The following APP variants were observed in gnomAD, a reference collection of about 807,000 sequenced individuals.
The protein encoded by APP is amyloid-beta precursor protein.
A neutral mutation model predicts 101.4 loss-of-function variants in APP; 31 were observed. The ratio of observed to expected loss-of-function variants is 0.31; its 90% CI spans 0.23 to 0.41. APP has a LOEUF of 0.41. Ranked by LOEUF, APP falls within the 10% of genes least tolerant of loss-of-function variation. The pLI, the probability that APP is intolerant of heterozygous loss-of-function variation, is 1.00. For missense variants in APP, 839 were observed against 1,003.7 expected, an observed-to-expected ratio of 0.84 and a Z score of 2.22; for synonymous variants, 366 against 364.4, an observed-to-expected ratio of 1.00 and a Z score of -0.05.
chr21:26,160,952 A>G (rs917127041), intron 1 of APP, among the ~76,000 whole-genome samples: 2 of 152,188 alleles, frequency 1.3e-5, no homozygotes, highest in Admixed American at 1.3e-4. Flanking sequence ...TGTTCCAAAA[A>G]GAGGCTGAAA....
intron 17 of APP, among the ~76,000 whole-genome samples, chr21:25,886,775 C>A (rs1281334434): frequency 1.0e-5 from 1 of 99,290 alleles, no homozygotes; most frequent in East Asian, 2.6e-4. Context: ...AGGTTCTGCA[C>A]CCCCCCTCAC....
intron 1 of APP, among the ~76,000 whole-genome samples, chr21:26,136,160 AAAAGAAAGAAAAG>A (rs1448718726): frequency 1.5e-5 from 1 of 65,184 alleles, no homozygotes; most frequent in Non-Finnish European, 2.9e-5. Flanking sequence ...AAAAGAAAAG[AAAAGAAAGAAAAG>A]AAAGAAAGAA....
At chr21:25,957,135 T>G (rs2041356303) in intron 11 of APP, among the ~76,000 whole-genome samples, 1 of 152,180 alleles carries the variant, frequency 6.6e-6, no homozygotes, top group Non-Finnish European at 1.5e-5. Context: ...CCTTCTTTTT[T>G]CCTAAAAGAA....
chr21:25,981,185 G>A (rs1210288554), intron 9 of APP, among the ~76,000 whole-genome samples: 3 of 152,144 alleles, frequency 2.0e-5, no homozygotes, highest in Non-Finnish European at 4.4e-5. Context: ...GGTCAGCAGG[G>A]ACCCAGATCA....
chr21:26,051,051 T>C lies in APP; in HGVS notation c.611A>G (p.Asp204Gly). 2 of 1,614,124 alleles carry C rather than the reference T, an allele frequency of 1.2e-6. No individual in the cohort carries two copies. The highest frequency in any genetic ancestry group is 2.2e-5 in the East Asian group (1 of 44,888). The change falls in exon 5 of 18, where the codon GAT becomes GGT. Residue 204 changes from aspartate to glycine, a missense_variant. Asp to Gly is a moderately conservative substitution (Grantham distance 94). Transcript: ENST00000346798. ...TCCGCCCCACCAGACATCCGAGTCA[T>C]CCTCCTCCGCATCAGCAGAATCCAC... Reference protein sequence around the residue: ...DNVDSADAEEDDSDVWWGGAD... With the variant: ...DNVDSADAEEGDSDVWWGGAD...
intron 1 of APP, among the ~76,000 whole-genome samples, chr21:26,143,352 T>A (rs1339345059): frequency 6.6e-6 from 1 of 152,218 alleles, no homozygotes; most frequent in Non-Finnish European, 1.5e-5. Context: ...AAAGTTATTA[T>A]CCCTTTTGGC....
chr21:26,099,924 T>C (rs2062021481), intron 2 of APP, among the ~76,000 whole-genome samples: 1 of 152,230 alleles, frequency 6.6e-6, no homozygotes, highest in Non-Finnish European at 1.5e-5. Flanking sequence ...CTGGCCAAAC[T>C]CTGCTTCTGA....
intron 13 of APP, among the ~76,000 whole-genome samples, chr21:25,914,623 G>T (rs925588079): frequency 7.7e-6 from 1 of 130,216 alleles, no homozygotes; most frequent in Non-Finnish European, 1.6e-5. Context: ...GCGCAATCTC[G>T]GCTCACTGCA....
chr21:25,972,987 ACAT>A (rs2042090515), intron 11 of APP, among the ~76,000 whole-genome samples: 1 of 152,174 alleles, frequency 6.6e-6, no homozygotes, highest in African/African-American at 2.4e-5. Flanking sequence ...AACTGACATA[ACAT>A]CATCGTGACA....
In APP at chr21:25,911,665, T is replaced by A; in HGVS notation, c.1909+76A>T. 5 of 1,317,826 alleles carry A rather than the reference T, an allele frequency of 3.8e-6. No homozygotes were observed. In the South Asian group the frequency reaches 4.9e-5, roughly 13 times the overall value. The allele number at this position is 1,317,826 out of a possible 1,614,324, so 81.6% of individuals were successfully genotyped here. On this transcript the variant is annotated intron_variant, in intron 14 of 17. Transcript: ENST00000346798. Reference sequence around the variant, plus strand: ...CACTCAAGAACATACAAAAGATAACTCTCTCTCTTGCACACACGTTATGTA... The same window carrying A: ...CACTCAAGAACATACAAAAGATAACACTCTCTCTTGCACACACGTTATGTA...
chr21:26,095,031 A>C (rs1370052852), intron 2 of APP, among the ~76,000 whole-genome samples: 1 of 152,154 alleles, frequency 6.6e-6, no homozygotes, highest in Non-Finnish European at 1.5e-5. Context: ...TTTTCAGTAA[A>C]GACAGGGTTT....
intron 13 of APP, among the ~76,000 whole-genome samples, chr21:25,920,756 T>G (rs923902024): frequency 4.1e-5 from 6 of 144,842 alleles, no homozygotes; most frequent in Non-Finnish European, 9.1e-5. Context: ...CAAAGAGACT[T>G]AGACTCCCAC....
At position 26,088,659 on chromosome 21, in the gene APP, A is replaced by AT. The variant is rs1388658675; in HGVS notation, c.355+1283dup. 9.2e-5 allele frequency among the ~76,000 whole-genome samples: 14 copies of AT among 152,206 alleles called. No homozygotes were observed. The East Asian group carries it at 2.7e-3, about 29-fold the overall frequency. ...GTTCCTGGGGACAGATGACTTCTAT[A>AT]TTTTTTTGAGTAGGAGTTCTGTATC... On this transcript the variant is annotated intron_variant, in intron 3 of 17. Transcript: ENST00000346798.
At chr21:25,991,692 T>C (rs1295615806) in intron 8 of APP, among the ~76,000 whole-genome samples, 1 of 152,248 alleles carries the variant, frequency 6.6e-6, no homozygotes. Flanking sequence ...GCTACTTTTA[T>C]AAAAGTAGTA....
chr21:26,014,666 C>G (rs1448006249), intron 6 of APP, among the ~76,000 whole-genome samples: 1 of 152,142 alleles, frequency 6.6e-6, no homozygotes, highest in African/African-American at 2.4e-5. Context: ...CTCTGTGCCC[C>G]CAGCAACCAA....
chr21:25,901,497 ATAGT>A (rs1182630151), intron 15 of APP, among the ~76,000 whole-genome samples: 1 of 152,202 alleles, frequency 6.6e-6, no homozygotes, highest in Non-Finnish European at 1.5e-5. Flanking sequence ...TCTTGCTATA[ATAGT>A]TCATGTTTGT....
chr21:25,959,072 T>A (rs1009742385), intron 11 of APP, among the ~76,000 whole-genome samples: 2 of 152,218 alleles, frequency 1.3e-5, no homozygotes, highest in Admixed American at 6.5e-5. Flanking sequence ...CTAATCACTT[T>A]GTGATCTGGC....
intron 3 of APP, among the ~76,000 whole-genome samples, chr21:26,083,240 C>G (rs767743829): frequency 2.6e-5 from 4 of 152,146 alleles, no homozygotes; most frequent in Non-Finnish European, 4.4e-5. Context: ...GGATGTTTAT[C>G]ACAGCATCAT....
rs886056996 is a variant in APP at position 26,090,061 on chromosome 21, T to C, written c.237A>G (p.Glu79=). ...CTTCTACCACATTGGTGATCTGCAGTTCAGGGTAGACCTGGGAGAGCACAC... is the reference window on the plus strand; with the variant it reads ...CTTCTACCACATTGGTGATCTGCAGCTCAGGGTAGACCTGGGAGAGCACAC... ...ILQYCQEVYP[E]LQITNVVEAN... Residue 79 remains glutamate, a synonymous_variant, in exon 3 of 18, where the codon GAA becomes GAG. Coordinates refer to ENST00000346798, the MANE Select transcript of APP (RefSeq NM_000484.4). 1 of 1,614,010 alleles carries C rather than the reference T, an allele frequency of 6.2e-7. No homozygotes were observed. The highest frequency in any genetic ancestry group is 8.5e-7 in the Non-Finnish European group (1 of 1,180,020).
Sources: gnomAD v4.1 joint callset for allele counts (sites outside exome capture counted in the v4.1 genomes callset) on GRCh38, gnomAD v4.1.1 for gene constraint, MANE v1.5 for transcripts, NCBI Gene and HGNC (gene_info 2026-07-23, HGNC 2026-07-21) for gene names.